The following NFATC3 variants were observed in gnomAD, a reference collection of about 807,000 sequenced individuals.
NFATC3 encodes nuclear factor of activated T-cells, cytoplasmic 3.
Under a neutral mutation model 98.6 loss-of-function variants are expected in NFATC3, and 46 were observed. That is an observed-to-expected ratio of 0.47 (90% CI 0.37 to 0.60). NFATC3 has a LOEUF of 0.60. Among genes scored for constraint, NFATC3 ranks in the 20% least tolerant of loss-of-function variants. The pLI is 0.00. For missense variants in NFATC3, 1,256 were observed against 1,295.5 expected (o/e 0.97, Z 0.47); for synonymous variants, 512 against 472.2 (o/e 1.08, Z -1.09).
chr16:68,096,330 T>C (rs76595854), intron 1 of NFATC3, among the ~76,000 whole-genome samples: 18,137 of 152,178 alleles, frequency 0.12, 1,226 homozygotes, highest in South Asian at 0.2. Context: ...AAACTAGCTG[T>C]TGTTAAAGGA....
rs1039594662 is a variant in NFATC3 at position 68,099,367 on chromosome 16, G to A, written c.103+13583G>A. ...GGAGAATGGCGTGAACCCAGGAGGCGGAGCTTGCATTGAGTGGAGATTGCG... is the reference window on the plus strand; with the variant it reads ...GGAGAATGGCGTGAACCCAGGAGGCAGAGCTTGCATTGAGTGGAGATTGCG... On this transcript the variant is annotated intron_variant, in intron 1 of 9. Transcript: ENST00000346183. Among the ~76,000 whole-genome samples, 29 of 152,074 alleles carry A rather than the reference G, an allele frequency of 1.9e-4. 1 individual carries two copies. Among genetic ancestry groups the A allele is most frequent in the Admixed American group, 1.5e-3 (23 of 15,254 alleles).
intron 9 of NFATC3, 38 bp downstream of exon 9, chr16:68,191,813 A>G: frequency 3.7e-6 from 6 of 1,604,776 alleles, no homozygotes; most frequent in Non-Finnish European, 5.1e-6. Flanking sequence ...AGTAGTGAAG[A>G]TTCAGGGACT....
rs149468289 is a variant in NFATC3 at position 68,214,283 on chromosome 16, C to T, written c.3107-12067C>T. 1.1e-5 allele frequency: 16 copies of T among 1,465,302 alleles called. No individual in the cohort carries two copies. In the African/African-American group the frequency reaches 2.2e-4, roughly 20 times the overall value. 90.8% of individuals were successfully genotyped at this position (1,465,302 alleles called of 1,614,324 possible). On this transcript the variant is annotated intron_variant, in intron 9 of 9. Coordinates refer to ENST00000346183, the MANE Select transcript of NFATC3 (RefSeq NM_173165.3). ...GGCACTGTAGTAGATTAAGTTCACCCTCTGGTTTGTTCCATTCAGTAGTGA... is the reference window on the plus strand; with the variant it reads ...GGCACTGTAGTAGATTAAGTTCACCTTCTGGTTTGTTCCATTCAGTAGTGA...
chr16:68,143,518 T>G (rs992433545), intron 3 of NFATC3, among the ~76,000 whole-genome samples: 19 of 152,090 alleles, frequency 1.2e-4, no homozygotes, highest in Non-Finnish European at 1.5e-5. Flanking sequence ...CCTCACATCT[T>G]TCTCAAAAAT....
intron 1 of NFATC3, among the ~76,000 whole-genome samples, chr16:68,101,926 G>C (rs551926156): frequency 3.9e-5 from 6 of 152,244 alleles, no homozygotes; most frequent in Admixed American, 2.6e-4. Context: ...TTGTACATCT[G>C]TCATTGTGAG....
intron 9 of NFATC3, among the ~76,000 whole-genome samples, chr16:68,212,824 C>T (rs1222632619): frequency 8.3e-6 from 1 of 120,948 alleles, no homozygotes; most frequent in African/African-American, 3.2e-5. Flanking sequence ...GAGTCTCACT[C>T]TGTTGCCCAG....
At chr16:68,174,952 C>T (rs2039618666) in intron 6 of NFATC3, among the ~76,000 whole-genome samples, 1 of 152,190 alleles carries the variant, frequency 6.6e-6, no homozygotes, top group Non-Finnish European at 1.5e-5. Flanking sequence ...AAATACGTGT[C>T]CGTACATGAA....
At chr16:68,091,475 TGTA>T (rs529296095) in intron 1 of NFATC3, among the ~76,000 whole-genome samples, 2,087 of 152,290 alleles carry the variant, frequency 0.014, 23 homozygotes, top group Middle Eastern at 0.1. Context: ...GGTGAGAAAA[TGTA>T]GTATTACTTT....
At chr16:68,173,735 A>T (rs769450388) in intron 5 of NFATC3, among the ~76,000 whole-genome samples, 4 of 152,250 alleles carry the variant, frequency 2.6e-5, no homozygotes, top group African/African-American at 9.6e-5. Flanking sequence ...GGATAGTTGC[A>T]TAGAAGAAAC....
At chr16:68,102,318 G>A (rs985792469) in intron 1 of NFATC3, among the ~76,000 whole-genome samples, 4 of 139,358 alleles carry the variant, frequency 2.9e-5, no homozygotes, top group Non-Finnish European at 6.1e-5. Flanking sequence ...GTTGCAGTGA[G>A]CCGAGATTGC....
intron 8 of NFATC3, among the ~76,000 whole-genome samples, chr16:68,183,791 G>A (rs901061707): frequency 2.6e-5 from 4 of 152,014 alleles, no homozygotes; most frequent in African/African-American, 9.7e-5. Flanking sequence ...ATCACCTGAG[G>A]TTGGGAGTTT....
At chr16:68,151,358 G>A (rs1400857731) in intron 3 of NFATC3, among the ~76,000 whole-genome samples, 7 of 152,106 alleles carry the variant, frequency 4.6e-5, no homozygotes, top group East Asian at 1.9e-4. Context: ...AAAGGCAGGC[G>A]TGTTGATCAT....
chr16:68,138,491 T>C, intron 3 of NFATC3: 1 of 1,261,998 alleles, frequency 7.9e-7, no homozygotes, highest in Non-Finnish European at 1.0e-6. Context: ...TTTTGCATTT[T>C]CTTTCAAATT....
chr16:68,140,164 GT>G (rs749735606), intron 3 of NFATC3, among the ~76,000 whole-genome samples: 4 of 151,982 alleles, frequency 2.6e-5, no homozygotes, highest in Non-Finnish European at 5.9e-5. Flanking sequence ...CGCCTGGCTA[GT>G]TTTTTTGTAT....
At chr16:68,222,413 T>G (rs2079476334) in intron 9 of NFATC3, among the ~76,000 whole-genome samples, 1 of 151,722 alleles carries the variant, frequency 6.6e-6, no homozygotes, top group Admixed American at 6.6e-5. Context: ...GTTTTAAAAC[T>G]TGAACAGTGA....
intron 9 of NFATC3, chr16:68,214,365 G>A (rs1644014380): frequency 1.9e-6 from 3 of 1,614,066 alleles, no homozygotes; most frequent in South Asian, 2.2e-5. Context: ...CAGCCATCAG[G>A]TTCAGCAGAG....
chr16:68,210,808 G>A (rs1410997698), intron 9 of NFATC3, among the ~76,000 whole-genome samples: 2 of 152,068 alleles, frequency 1.3e-5, no homozygotes, highest in Non-Finnish European at 2.9e-5. Context: ...TTGAGATGGA[G>A]TCTTGCTCTG....
At chr16:68,159,386 C>T in intron 4 of NFATC3, among the ~76,000 whole-genome samples, 1 of 150,548 alleles carries the variant, frequency 6.6e-6, no homozygotes, top group South Asian at 2.1e-4. Context: ...TTTCAAACTA[C>T]ACTATAGACC....
intron 2 of NFATC3, among the ~76,000 whole-genome samples, chr16:68,124,166 A>G (rs956956295): frequency 5.3e-5 from 8 of 152,064 alleles, no homozygotes; most frequent in Non-Finnish European, 1.0e-4. Flanking sequence ...CAGTGGGGTA[A>G]TCATAGCTCA....
Sources: gnomAD v4.1 joint callset for allele counts (sites outside exome capture counted in the v4.1 genomes callset) on GRCh38, gnomAD v4.1.1 for gene constraint, MANE v1.5 for transcripts, NCBI Gene and HGNC (gene_info 2026-07-23, HGNC 2026-07-21) for gene names.